Variants in IGSF21 observed in about 807,000 individuals in gnomAD.
IGSF21 encodes the protein immunoglobulin superfamily member 21.
Under a neutral mutation model 46.8 loss-of-function variants are expected in IGSF21, and 28 were observed. The ratio of observed to expected loss-of-function variants is 0.60; its 90% confidence interval spans 0.44 to 0.82. The LOEUF (loss-of-function observed/expected upper bound fraction) is 0.82. Ranked by LOEUF, IGSF21 falls within the 40% of genes least tolerant of loss-of-function variation. The pLI is 0.00. For synonymous variants in IGSF21, 284 were observed against 273.6 expected (o/e 1.04, Z -0.38); for missense variants, 624 against 665.5 (o/e 0.94, Z 0.69).
chr1:18,241,846 A>T (rs2084731520), intron 2 of IGSF21, among the ~76,000 whole-genome samples: 1 of 152,176 alleles, frequency 6.6e-6, no homozygotes, highest in African/African-American at 2.4e-5. Flanking sequence ...AGGCTCAGAG[A>T]AGTTAACTAA....
chr1:18,253,154 C>T (rs1011670255), intron 2 of IGSF21, among the ~76,000 whole-genome samples: 12 of 152,198 alleles, frequency 7.9e-5, no homozygotes, highest in South Asian at 2.1e-4. Context: ...AAGCAGGCTG[C>T]GTTTCCCAGC....
chr1:18,377,436 G>A lies in IGSF21; in HGVS notation c.1333+5G>A, dbSNP rs758672362. ...GAGGAACGGAGGACTCTAATGGTAA[G>A]TCTCTACCCTCAGGATTTTTTGCTT... On this transcript the variant is annotated splice_donor_5th_base_variant and intron_variant, in intron 9 of 9. Coordinates refer to ENST00000251296, the MANE Select transcript of IGSF21 (RefSeq NM_032880.5). 2 of 1,612,594 alleles carry A rather than the reference G, an allele frequency of 1.2e-6. No homozygotes were observed. Among genetic ancestry groups the A allele is most frequent in the East Asian group, 2.2e-5 (1 of 44,862 alleles).
chr1:18,297,460 C>A (rs2085322302), intron 3 of IGSF21, among the ~76,000 whole-genome samples: 1 of 152,090 alleles, frequency 6.6e-6, no homozygotes, highest in Non-Finnish European at 1.5e-5. Flanking sequence ...ATCAGACCTG[C>A]TTTCGGGAGG....
chr1:18,274,946 G>A (rs1204328216), intron 2 of IGSF21, among the ~76,000 whole-genome samples: 2 of 152,180 alleles, frequency 1.3e-5, no homozygotes, highest in South Asian at 4.1e-4. Context: ...AGAATCGCTT[G>A]AGCCTGGGAG....
At chr1:18,354,715 C>G (rs564761368) in intron 4 of IGSF21, among the ~76,000 whole-genome samples, 1 of 152,104 alleles carries the variant, frequency 6.6e-6, no homozygotes, top group Non-Finnish European at 1.5e-5. Context: ...AGAGTGGTAC[C>G]CAATGAGCTG....
Position 18,176,743 on chromosome 1 carries a change from A to G in IGSF21, c.71-51155A>G, listed in dbSNP as rs556484016. 3.9e-5 allele frequency among the ~76,000 whole-genome samples: 6 copies of G among 152,354 alleles called. No homozygotes were observed. In the South Asian group the frequency reaches 1.0e-3, roughly 26 times the overall value. ...GGTCTCCACAGAGAATTTAGAATAC[A>G]GAGCAATTCCCCAAGGAAACAATGT... On this transcript the variant is annotated intron_variant, in intron 1 of 9. Transcript: ENST00000251296.
intron 2 of IGSF21, among the ~76,000 whole-genome samples, chr1:18,234,044 G>A (rs947876946): frequency 3.9e-5 from 6 of 152,198 alleles, no homozygotes; most frequent in East Asian, 1.9e-4. Flanking sequence ...GTACACTCTC[G>A]GGTGACCAAG....
chr1:18,138,052 T>A (rs1399316012), intron 1 of IGSF21, among the ~76,000 whole-genome samples: 21 of 151,858 alleles, frequency 1.4e-4, no homozygotes, highest in Admixed American at 1.4e-3. Flanking sequence ...GCCCACCGTG[T>A]CCCCAGCAAC....
intron 6 of IGSF21, among the ~76,000 whole-genome samples, chr1:18,372,408 A>T (rs1350177697): frequency 6.6e-6 from 1 of 152,248 alleles, no homozygotes; most frequent in Non-Finnish European, 1.5e-5. Context: ...AGAGCAAATG[A>T]AGAAATGGAT....
intron 1 of IGSF21, among the ~76,000 whole-genome samples, chr1:18,209,075 T>G (rs2084363595): frequency 3.3e-5 from 5 of 152,090 alleles, no homozygotes. Flanking sequence ...AATGGTTGAG[T>G]GGTGTCTACA....
intron 1 of IGSF21, among the ~76,000 whole-genome samples, chr1:18,154,238 G>T (rs2086547609): frequency 6.6e-6 from 1 of 152,106 alleles, no homozygotes; most frequent in South Asian, 2.1e-4. Flanking sequence ...CTCTCTGCCT[G>T]GGCTCTCCTT....
At chr1:18,122,817 G>A (rs548416048) in intron 1 of IGSF21, among the ~76,000 whole-genome samples, 6 of 151,940 alleles carry the variant, frequency 3.9e-5, no homozygotes, top group African/African-American at 1.4e-4. Flanking sequence ...AGTAGAAATG[G>A]GGTTTCACCA....
intron 2 of IGSF21, among the ~76,000 whole-genome samples, chr1:18,239,335 C>T (rs976097140): frequency 1.3e-5 from 2 of 152,152 alleles, no homozygotes; most frequent in African/African-American, 4.8e-5. Context: ...CCTCCTCTCC[C>T]CACATTTTCC....
chr1:18,339,401 GGACTTCCTTGA>G (rs141896031), intron 4 of IGSF21, among the ~76,000 whole-genome samples: 2,316 of 152,216 alleles, frequency 0.015, 53 homozygotes, highest in African/African-American at 0.051. Flanking sequence ...CAGGGAGTGG[GGACTTCCTTGA>G]GACCGAGCCC....
chr1:18,165,175 T>C (rs959547602), intron 1 of IGSF21, among the ~76,000 whole-genome samples: 10 of 152,128 alleles, frequency 6.6e-5, no homozygotes, highest in African/African-American at 2.4e-4. Flanking sequence ...TAGGAGTCTG[T>C]ATTTCTTGGC....
In IGSF21 at chr1:18,109,584, G is replaced by C. The variant is rs373830848; in HGVS notation, c.70+1386G>C. 2 of 152,362 alleles carry C rather than the reference G, an allele frequency of 1.3e-5. No homozygotes were observed. Among genetic ancestry groups the C allele is most frequent in the East Asian group, 1.9e-4 (1 of 5,154 alleles). The allele number at this position is 152,362 out of a possible 1,614,324, so 9.4% of individuals were successfully genotyped here. ...TTGGGGAGTGCTGGGTCTGCTGATG[G>C]GAGAAGCTGCAGAATTTGAGCCCGG... On this transcript the variant is annotated intron_variant, in intron 1 of 9. Coordinates refer to ENST00000251296, the MANE Select transcript of IGSF21 (RefSeq NM_032880.5). The surrounding 1 kb of genome is among the most constrained non-coding windows in gnomAD (Gnocchi z 4.8).
At chr1:18,253,756 A>T (rs1041188624) in intron 2 of IGSF21, among the ~76,000 whole-genome samples, 7 of 152,152 alleles carry the variant, frequency 4.6e-5, no homozygotes, top group African/African-American at 1.7e-4. Flanking sequence ...GACAGGAACA[A>T]CCCCGCACAG....
chr1:18,268,281 C>T (rs982249398), intron 2 of IGSF21, among the ~76,000 whole-genome samples: 6 of 152,220 alleles, frequency 3.9e-5, no homozygotes, highest in African/African-American at 1.4e-4. Flanking sequence ...GTAGCAGAGC[C>T]AGCTCTGGGA....
intron 1 of IGSF21, among the ~76,000 whole-genome samples, chr1:18,164,294 C>T (rs1411419797): frequency 1.3e-5 from 2 of 152,042 alleles, no homozygotes; most frequent in Non-Finnish European, 2.9e-5. Context: ...TTCCCTCTCC[C>T]CTTTCCTTCT....
Sources: allele counts gnomAD v4.1 joint callset (sites outside exome capture counted in the v4.1 genomes callset), GRCh38; gene constraint gnomAD v4.1.1; non-coding constraint Gnocchi (gnomAD v3.1); transcripts MANE v1.5; gene names NCBI Gene and HGNC (gene_info 2026-07-23, HGNC 2026-07-21).